Variants in PIK3CB observed in about 807,000 individuals in gnomAD.
PIK3CB encodes phosphatidylinositol-4,5-bisphosphate 3-kinase catalytic subunit beta.
PIK3CB carries 39 observed loss-of-function variants against 136.8 expected under a neutral mutation model. The ratio of observed to expected loss-of-function variants is 0.29; its 90% confidence interval spans 0.22 to 0.37. The LOEUF (loss-of-function observed/expected upper bound fraction) is 0.37. Among genes scored for constraint, PIK3CB ranks in the 10% least tolerant of loss-of-function variants. PIK3CB has a pLI of 1.00. For synonymous variants in PIK3CB, 428 were observed against 436.6 expected, an observed-to-expected ratio of 0.98 and a Z score of 0.25; for missense variants, 868 against 1,275.4, an observed-to-expected ratio of 0.68 and a Z score of 4.87.
chr3:138,719,834 T>A (rs1216542385), intron 8 of PIK3CB, among the ~76,000 whole-genome samples: 1 of 152,130 alleles, frequency 6.6e-6, no homozygotes, highest in African/African-American at 2.4e-5. Flanking sequence ...ATACTCAACA[T>A]TTAACCTAAA....
chr3:138,714,958 C>G (rs1451775243), intron 8 of PIK3CB, among the ~76,000 whole-genome samples: 1 of 152,174 alleles, frequency 6.6e-6, no homozygotes, highest in African/African-American at 2.4e-5. Flanking sequence ...CTGTTTTTCA[C>G]TTGCTAAGTA....
chr3:138,707,227 C>A lies in PIK3CB; in HGVS notation c.1462G>T (p.Ala488Ser). 6.2e-7 allele frequency: 1 copy of A among 1,612,988 alleles called. No homozygotes were observed. ...TVQTNPYTEN[A>S]TALHVKFPEN... ...GGAAATTTAACATGCAAAGCTGTTG[C>A]ATTTTCAGTATATGGATTTGTTTGA... The change falls in exon 11 of 24, where the codon GCA (alanine) becomes TCA (serine). Residue 488 changes from alanine to serine, a missense_variant. Ala to Ser is a moderately conservative substitution (Grantham distance 99, BLOSUM62 1). Around this residue, in one of 4 missense-constraint regions of PIK3CB, gnomAD observed 612 missense variants for 801.1 expected, o/e 0.76. Coordinates refer to ENST00000674063, the MANE Select transcript of PIK3CB (RefSeq NM_006219.3).
rs769647786 is a variant in PIK3CB, at chr3:138,734,814, C to A, written c.802-10G>T. ...CACAGTTCCGGATATACTATAGGGG[C>A]AAGAAAGGGGAAGGTATTGATTTTC... On this transcript the variant is annotated splice_polypyrimidine_tract_variant and intron_variant, in intron 6 of 23. Coordinates refer to ENST00000674063, the MANE Select transcript of PIK3CB (RefSeq NM_006219.3). 6.4e-7 allele frequency: 1 copy of A among 1,565,580 alleles called. No homozygotes were observed. Among genetic ancestry groups the A allele is most frequent in the South Asian group, 1.2e-5 (1 of 83,084 alleles).
chr3:138,780,859 T>C (rs914968174), intron 2 of PIK3CB, among the ~76,000 whole-genome samples: 2 of 151,962 alleles, frequency 1.3e-5, no homozygotes, highest in Non-Finnish European at 2.9e-5. Context: ...TTTTGTTTTG[T>C]TTTTTTGTAG....
intron 1 of PIK3CB, among the ~76,000 whole-genome samples, chr3:138,819,224 G>C (rs981197712): frequency 6.6e-6 from 1 of 152,176 alleles, no homozygotes; most frequent in Non-Finnish European, 1.5e-5. Context: ...GCACGTGCCT[G>C]TAGTCCCAGC....
intron 19 of PIK3CB, among the ~76,000 whole-genome samples, chr3:138,669,641 C>G (rs1298223877): frequency 6.6e-6 from 1 of 152,000 alleles, no homozygotes; most frequent in Admixed American, 6.6e-5. Context: ...GTCAGGGAGT[C>G]CTAACACATC....
rs1041406263 is a variant in PIK3CB at position 138,656,823 on chromosome 3, T to C, written c.2943-549A>G. ...CCTTGCTCTGTCTCCCAGGCTGGAG[T>C]GCAGTGGCGTGATCTTGGCTCACTG... On this transcript the variant is annotated intron_variant, in intron 22 of 23. Coordinates refer to ENST00000674063, the MANE Select transcript of PIK3CB (RefSeq NM_006219.3). Among the ~76,000 whole-genome samples, 3 of 152,104 alleles carry C rather than the reference T, an allele frequency of 2.0e-5. No individual in the cohort carries two copies. The South Asian group carries it at 6.2e-4, about 32-fold the overall frequency.
intron 14 of PIK3CB, among the ~76,000 whole-genome samples, chr3:138,693,970 A>ATTT (rs1207445444): frequency 1.2e-5 from 1 of 85,468 alleles, no homozygotes; most frequent in African/African-American, 5.1e-5. Context: ...TATATATTAT[A>ATTT]TATATATATA....
Position 138,700,720 on chromosome 3 carries a change from TA to T in PIK3CB, c.1582-1626del, listed in dbSNP as rs1559825031. 3.3e-5 allele frequency among the ~76,000 whole-genome samples: 5 copies of T among 151,304 alleles called. No homozygotes were observed. In the East Asian group the frequency reaches 9.7e-4, roughly 29 times the overall value. On this transcript the variant is annotated intron_variant, in intron 12 of 23. Coordinates refer to ENST00000674063, the MANE Select transcript of PIK3CB (RefSeq NM_006219.3). ...ATAGATAGATAGATAGATAGATAGA[TA>T]GATAGATAGATAGATAGATAGATAG...
intron 1 of PIK3CB, among the ~76,000 whole-genome samples, chr3:138,797,491 T>C (rs539682779): frequency 6.6e-6 from 1 of 152,252 alleles, no homozygotes; most frequent in East Asian, 1.9e-4. Context: ...CAATTATTTT[T>C]CCCAAAACAT....
intron 2 of PIK3CB, among the ~76,000 whole-genome samples, chr3:138,776,178 A>G (rs909976316): frequency 1.3e-5 from 2 of 152,196 alleles, no homozygotes; most frequent in Admixed American, 6.5e-5. Context: ...AGCCTGGGCG[A>G]TAAGAGCAAA....
At chr3:138,676,369 G>A (rs2043644131) in intron 19 of PIK3CB, among the ~76,000 whole-genome samples, 1 of 152,204 alleles carries the variant, frequency 6.6e-6, no homozygotes, top group Non-Finnish European at 1.5e-5. Flanking sequence ...ATTGCTGGTT[G>A]GAATGTAAAA....
rs57765444 is a variant in PIK3CB, at chr3:138,722,129, G to GT, written c.1051-7411dup. On this transcript the variant is annotated intron_variant, in intron 8 of 23. Transcript: ENST00000674063. ...CCTACTAGGAATCTTGCTACTGGGT[G>GT]TTTTTTTTTTTTTTTTCTTATTTCC... Among the ~76,000 whole-genome samples the GT allele has an allele frequency of 3.6e-3, 468 of 128,658 alleles. 2 individuals carry two copies. Among genetic ancestry groups the GT allele is most frequent in the African/African-American group, 4.6e-3 (150 of 32,272 alleles). The allele number at this position is 128,658 out of a possible 152,430, so 84.4% of individuals were successfully genotyped here. A position where few individuals can be genotyped will look rare whatever the true frequency, so the allele number is the denominator to read the frequency against.
At chr3:138,812,151 C>T (rs769040608) in intron 1 of PIK3CB, among the ~76,000 whole-genome samples, 1 of 150,976 alleles carries the variant, frequency 6.6e-6, no homozygotes, top group South Asian at 2.1e-4. Context: ...CTCGAAACGA[C>T]AAAATCATAA....
intron 2 of PIK3CB, among the ~76,000 whole-genome samples, chr3:138,771,939 A>AAT (rs1257648371): frequency 3.3e-5 from 5 of 151,772 alleles, no homozygotes; most frequent in African/African-American, 1.2e-4. Flanking sequence ...AAAAAAAAAA[A>AAT]ATTTGCAAAT....
chr3:138,722,221 GACACACAC>G (rs56139182), intron 8 of PIK3CB, among the ~76,000 whole-genome samples: 66,681 of 144,058 alleles, frequency 0.46, 17,147 homozygotes, highest in East Asian at 0.95. Context: ...CTATGTAAGA[GACACACAC>G]ACACACACAC....
intron 7 of PIK3CB, among the ~76,000 whole-genome samples, chr3:138,733,807 G>A (rs2045042862): frequency 6.6e-6 from 1 of 152,148 alleles, no homozygotes; most frequent in Admixed American, 6.5e-5. Context: ...GAACCCGGGA[G>A]GCGGAGCTTG....
In PIK3CB at chr3:138,653,909, T is replaced by A; in HGVS notation, c.*1480A>T. The A allele has an allele frequency of 1.0e-5, 2 of 198,910 alleles. No individual in the cohort carries two copies. The highest frequency in any genetic ancestry group is 2.1e-5 in the Non-Finnish European group (2 of 96,204). 12.3% of individuals were successfully genotyped at this position (198,910 alleles called of 1,614,324 possible). A position where few individuals can be genotyped will look rare whatever the true frequency, so the allele number is the denominator to read the frequency against. ...GGAGAAGTCAGGGAAGAGGCCATAA[T>A]AAGCCTTAGCCTATTCCTGAGGTTG... On this transcript the variant is annotated 3_prime_UTR_variant, in exon 24 of 24. Coordinates refer to ENST00000674063, the MANE Select transcript of PIK3CB (RefSeq NM_006219.3).
At chr3:138,663,840 G>C (rs2043351526) in intron 21 of PIK3CB, 66 bp downstream of exon 21, 6 of 1,505,252 alleles carry the variant, frequency 4.0e-6, no homozygotes, top group Non-Finnish European at 5.4e-6. Flanking sequence ...AGTTGCACAA[G>C]AGATTATGCT....
Sources: allele counts gnomAD v4.1 joint callset (sites outside exome capture counted in the v4.1 genomes callset), GRCh38; gene constraint gnomAD v4.1.1; regional missense constraint gnomAD v4.1.1; transcripts MANE v1.5; gene names NCBI Gene and HGNC (gene_info 2026-07-23, HGNC 2026-07-21).